The following WDPCP variants were observed in gnomAD, a reference collection of about 807,000 sequenced individuals.
WDPCP encodes the protein WD repeat containing planar cell polarity effector.
Under a neutral mutation model 93.1 loss-of-function variants are expected in WDPCP, and 71 were observed. The observed-to-expected ratio is 0.76, with a 90% CI of 0.63 to 0.93. The LOEUF (loss-of-function observed/expected upper bound fraction) is 0.93, where lower values mean the gene tolerates loss of function less well. Ranked by LOEUF, WDPCP falls within the 40% of genes least tolerant of loss-of-function variation. The pLI is 0.00. For missense variants in WDPCP, 844 were observed against 887.4 expected (o/e 0.95, Z 0.62); for synonymous variants, 315 against 315.0 (o/e 1.00, Z 0.00).
intron 14 of WDPCP, among the ~76,000 whole-genome samples, chr2:63,224,752 A>C (rs556222619): frequency 2.0e-5 from 3 of 152,184 alleles, no homozygotes; most frequent in African/African-American, 7.2e-5. Flanking sequence ...ATGAACAGGC[A>C]GAGCACAGAG....
intron 12 of WDPCP, among the ~76,000 whole-genome samples, chr2:63,358,066 T>A (rs780024133): frequency 5.9e-5 from 9 of 152,034 alleles, no homozygotes; most frequent in Non-Finnish European, 1.2e-4. Context: ...TACAAACATA[T>A]GAACTGGGGT....
chr2:63,752,155 TCCACGGAGTCATG>T (rs1669891977), intron 2 of WDPCP: 3 of 624,942 alleles, frequency 4.8e-6, no homozygotes, highest in South Asian at 3.3e-5. Flanking sequence ...GACAATTTTA[TCCACGGAGTCATG>T]GTCATCAAAG....
chr2:63,831,997 T>C (rs1671209586), upstream of WDPCP, among the ~76,000 whole-genome samples: 1 of 152,216 alleles, frequency 6.6e-6, no homozygotes. Context: ...TTTGAGTGGT[T>C]TGAGTTTTCT....
chr2:63,152,561 C>T lies in WDPCP; in HGVS notation c.2190+353G>A, dbSNP rs566886758. Among the ~76,000 whole-genome samples the T allele has an allele frequency of 2.0e-4, 31 of 152,262 alleles. 1 individual carries two copies. In the South Asian group the frequency reaches 4.4e-3, roughly 21 times the overall value. ...TGCTGGGATTACAGGCATGAGCCAC[C>T]GCGCCCTGCCAACATCTGGTTACTC... On this transcript the variant is annotated intron_variant, in intron 17 of 17. Coordinates refer to ENST00000272321, the MANE Select transcript of WDPCP (RefSeq NM_015910.7).
chr2:63,340,071 G>A (rs1465677158), intron 12 of WDPCP, among the ~76,000 whole-genome samples: 1 of 152,106 alleles, frequency 6.6e-6, no homozygotes, highest in Admixed American at 6.5e-5. Context: ...TTTCTTACGG[G>A]TATACATCTA....
At chr2:63,504,025 T>A (rs1701715805) in intron 1 of WDPCP, among the ~76,000 whole-genome samples, 1 of 152,074 alleles carries the variant, frequency 6.6e-6, no homozygotes, top group African/African-American at 2.4e-5. Context: ...AACACTTTGA[T>A]GACAGATTGC....
At chr2:63,839,918 T>C in the WDPCP span, among the ~76,000 whole-genome samples, 1 of 152,228 alleles carries the variant, frequency 6.6e-6, no homozygotes, top group Non-Finnish European at 1.5e-5. Context: ...TTCTCTAGTA[T>C]AACAATTTTT....
intron 1 of WDPCP, among the ~76,000 whole-genome samples, chr2:63,522,178 C>T (rs1702980159): frequency 6.6e-6 from 1 of 151,994 alleles, no homozygotes; most frequent in African/African-American, 2.4e-5. Context: ...TGCTATCCCT[C>T]CTCTAGCCCC....
intron 1 of WDPCP, among the ~76,000 whole-genome samples, chr2:63,530,461 G>A (rs778505741): frequency 6.0e-5 from 9 of 151,012 alleles, no homozygotes; most frequent in Non-Finnish European, 8.9e-5. Flanking sequence ...CTTTATGTAC[G>A]GTATAAAAGA....
At chr2:63,183,783 T>A (rs1674421104) in intron 14 of WDPCP, among the ~76,000 whole-genome samples, 2 of 152,130 alleles carry the variant, frequency 1.3e-5, no homozygotes, top group Non-Finnish European at 2.9e-5. Flanking sequence ...GTAATATTTG[T>A]TTTGTGACTC....
At chr2:63,815,013 A>G (rs1575780803) in intron 1 of WDPCP, among the ~76,000 whole-genome samples, 1 of 152,358 alleles carries the variant, frequency 6.6e-6, no homozygotes, top group South Asian at 2.1e-4. Context: ...TACTTTTCTA[A>G]AACAGTTAAA....
intron 13 of WDPCP, among the ~76,000 whole-genome samples, chr2:63,310,032 T>C (rs1400491312): frequency 6.6e-6 from 1 of 152,142 alleles, no homozygotes; most frequent in Admixed American, 6.6e-5. Context: ...GCATTGTTAA[T>C]CTGACAAATG....
At chr2:63,445,582 A>C (rs1468693705) in intron 6 of WDPCP, among the ~76,000 whole-genome samples, 1 of 152,202 alleles carries the variant, frequency 6.6e-6, no homozygotes, top group East Asian at 1.9e-4. Flanking sequence ...TTGGTAGGAC[A>C]AAAAAGAAAA....
At chr2:63,141,433 T>A (rs1206476196) in intron 17 of WDPCP, among the ~76,000 whole-genome samples, 1 of 152,242 alleles carries the variant, frequency 6.6e-6, no homozygotes, top group Non-Finnish European at 1.5e-5. Context: ...CTTGCATATG[T>A]TAAACCATCC....
chr2:63,390,749 A>G (rs1269072557), intron 10 of WDPCP, among the ~76,000 whole-genome samples: 1 of 152,140 alleles, frequency 6.6e-6, no homozygotes, highest in Admixed American at 6.6e-5. Flanking sequence ...CCATCAGAGA[A>G]TACTATAAAC....
intron 12 of WDPCP, among the ~76,000 whole-genome samples, chr2:63,357,072 T>C (rs1005536608): frequency 6.6e-6 from 1 of 152,238 alleles, no homozygotes. Context: ...GCTAGCCATA[T>C]GCAGAAGATT....
At chr2:63,758,072 A>C (rs1193199817) in intron 2 of WDPCP, among the ~76,000 whole-genome samples, 1 of 152,114 alleles carries the variant, frequency 6.6e-6, no homozygotes, top group African/African-American at 2.4e-5. Flanking sequence ...AATGTCAATC[A>C]ACCTGAGATA....
chr2:63,803,289 C>A (rs1472958532), intron 2 of WDPCP, among the ~76,000 whole-genome samples: 1 of 151,976 alleles, frequency 6.6e-6, no homozygotes, highest in Non-Finnish European at 1.5e-5. Flanking sequence ...AAGGAAAAAT[C>A]GATTTTAATA....
intron 2 of WDPCP, among the ~76,000 whole-genome samples, chr2:63,669,554 T>C (rs1350225707): frequency 6.6e-6 from 1 of 152,016 alleles, no homozygotes; most frequent in Non-Finnish European, 1.5e-5. Context: ...GAGATGGGGT[T>C]TTGCCATGAT....
Sources: gnomAD v4.1 joint callset for allele counts (sites outside exome capture counted in the v4.1 genomes callset) on GRCh38, gnomAD v4.1.1 for gene constraint, MANE v1.5 for transcripts, NCBI Gene and HGNC (gene_info 2026-07-23, HGNC 2026-07-21) for gene names.